SVEP1: variants seen among roughly 807,000 people sequenced by gnomAD.
The protein encoded by SVEP1 is sushi, von Willebrand factor type A, EGF and pentraxin domain containing 1, also known as sushi, von Willebrand factor type A, EGF and pentraxin domain-containing protein 1.
Under a neutral mutation model 367.3 loss-of-function variants are expected in SVEP1, and 164 were observed. That is an observed-to-expected ratio of 0.45 (90% CI 0.39 to 0.51). SVEP1 has a LOEUF of 0.51. Among genes scored for constraint, SVEP1 ranks in the 20% least tolerant of loss-of-function variants. The pLI, the probability that SVEP1 is intolerant of heterozygous loss-of-function variation, is 0.00. For synonymous variants in SVEP1, 1,666 were observed against 1,611.6 expected, an observed-to-expected ratio of 1.03 and a Z score of -0.81; for missense variants, 4,117 against 4,425.3, an observed-to-expected ratio of 0.93 and a Z score of 1.98.
At chr9:110,375,597 T>G in intron 45 of SVEP1, 134 bp from the exon 46 acceptor site, 1 of 705,480 alleles carries the variant, frequency 1.4e-6, no homozygotes, top group Non-Finnish European at 2.3e-6. Context: ...ACTCACTAAA[T>G]AAGTTTCCTG....
rs755067106 is a variant in SVEP1, at chr9:110,407,246, G to T, written c.8354C>A (p.Ser2785Tyr). ...GTATGTGTAGTTGCTTCCTTTGATGGATCCATTCATGACTGGATTTGGCTT... is the reference window on the plus strand; with the variant it reads ...GTATGTGTAGTTGCTTCCTTTGATGTATCCATTCATGACTGGATTTGGCTT... ...CKKPNPVMNG[S>Y]IKGSNYTYLS... Residue 2785 changes from serine (S) to tyrosine (Y), a missense_variant, in exon 38 of 48, where the codon TCC (serine) becomes TAC (tyrosine). Physicochemically the swap from Ser to Tyr is moderately radical, Grantham distance 144. Coordinates refer to ENST00000374469, the MANE Select transcript of SVEP1 (RefSeq NM_153366.4). 2 of 1,613,814 alleles carry T rather than the reference G, an allele frequency of 1.2e-6. No individual in the cohort carries two copies. The highest frequency in any genetic ancestry group is 1.7e-6 in the Non-Finnish European group (2 of 1,179,892).
intron 40 of SVEP1, among the ~76,000 whole-genome samples, chr9:110,396,442 G>C (rs949818605): frequency 1.3e-5 from 2 of 152,070 alleles, no homozygotes; most frequent in African/African-American, 4.8e-5. Context: ...AAAAGAACTA[G>C]AGAAGCAAGA....
At chr9:110,384,105 T>C (rs566949806) in intron 43 of SVEP1, among the ~76,000 whole-genome samples, 1 of 152,106 alleles carries the variant, frequency 6.6e-6, no homozygotes, top group Non-Finnish European at 1.5e-5. Flanking sequence ...AGTTTTCAGC[T>C]GAGTGGCCGC....
chr9:110,557,883 A>G (rs560981253), intron 1 of SVEP1, among the ~76,000 whole-genome samples: 2 of 152,338 alleles, frequency 1.3e-5, no homozygotes, highest in South Asian at 2.1e-4. Flanking sequence ...CCAATCCCCA[A>G]TAGAACTTTC....
intron 43 of SVEP1, among the ~76,000 whole-genome samples, chr9:110,383,406 C>T (rs907087027): frequency 8.5e-5 from 13 of 152,192 alleles, no homozygotes; most frequent in African/African-American, 1.9e-4. Flanking sequence ...GTGTTACCAG[C>T]GGACGCTGCA....
intron 3 of SVEP1, among the ~76,000 whole-genome samples, chr9:110,540,314 AT>A (rs750345342): frequency 2.7e-4 from 41 of 152,114 alleles, no homozygotes; most frequent in Non-Finnish European, 4.6e-4. Flanking sequence ...CTGAAATTTA[AT>A]AACTAAACCC....
intron 27 of SVEP1, among the ~76,000 whole-genome samples, chr9:110,442,037 C>T (rs866229593): frequency 2.0e-5 from 3 of 152,194 alleles, no homozygotes; most frequent in South Asian, 2.1e-4. Flanking sequence ...CTTTTTCTAG[C>T]GCTTTCAACA....
intron 40 of SVEP1, among the ~76,000 whole-genome samples, chr9:110,392,628 T>C (rs926167522): frequency 6.6e-6 from 1 of 152,184 alleles, no homozygotes; most frequent in Admixed American, 6.5e-5. Flanking sequence ...TCATCTACTG[T>C]TTGGTTATCT....
Position 110,366,533 on chromosome 9 carries a change from C to G in SVEP1, c.*6G>C, listed in dbSNP as rs1827202303. ...CTTTTGGGAGAGCCAGATGGTCGTG[C>G]AGTGGTTAAAACCCAGTCCTCCTTT... On this transcript the variant is annotated 3_prime_UTR_variant, in exon 48 of 48. Coordinates refer to ENST00000374469, the MANE Select transcript of SVEP1 (RefSeq NM_153366.4). 1 of 1,553,346 alleles carries G rather than the reference C, an allele frequency of 6.4e-7. No individual in the cohort carries two copies. The highest frequency in any genetic ancestry group is 8.7e-7 in the Non-Finnish European group (1 of 1,152,228).
Position 110,377,355 on chromosome 9 carries a change from A to G in SVEP1, c.10420T>C (p.Phe3474Leu). ...SPPICRAVCR[F>L]PCQNGGICQR... is the part of the protein sequence containing the mutation. ...CAGATGCCCCCATTCTGACATGGAA[A>G]TCGACAGACAGCTGGAAAAGAAGCA... is the stretch of plus-strand genomic sequence containing the variant. Residue 3474 changes from phenylalanine to leucine, a missense_variant, in exon 45 of 48, where the codon TTT (phenylalanine) becomes CTT (leucine). Phe to Leu is a conservative substitution (Grantham distance 22). This residue lies in a region of SVEP1 where 1,765 missense variants were observed against 1,781.1 expected (regional missense o/e 0.99). Coordinates refer to ENST00000374469, the MANE Select transcript of SVEP1 (RefSeq NM_153366.4). 6.2e-7 allele frequency: 1 copy of G among 1,613,770 alleles called. No individual in the cohort carries two copies. The highest frequency in any genetic ancestry group is 8.5e-7 in the Non-Finnish European group (1 of 1,179,704).
chr9:110,449,127 G>C (rs1192575468), intron 24 of SVEP1, among the ~76,000 whole-genome samples: 1 of 152,144 alleles, frequency 6.6e-6, no homozygotes, highest in Non-Finnish European at 1.5e-5. Context: ...GTACTTCCCT[G>C]CAAAGAGTGG....
chr9:110,447,151 T>C, intron 24 of SVEP1, 94 bp from the exon 25 acceptor site: 2 of 1,175,402 alleles, frequency 1.7e-6, no homozygotes, highest in African/African-American at 3.2e-5. Flanking sequence ...AAAATTGAAA[T>C]GCTGGAACAC....
In SVEP1 at chr9:110,511,488, C is replaced by CTTTTTTTTTTTTTTT. The variant is rs199993986; in HGVS notation, c.1303+1423_1303+1437dup. On this transcript the variant is annotated intron_variant, in intron 5 of 47. Transcript: ENST00000374469. ...CTAGGTCCATTCATTGTGTCAGTACCTTTTTTTTTTTTTTTTTTTTTTTTT... is the reference window on the plus strand; with the variant it reads ...CTAGGTCCATTCATTGTGTCAGTACCTTTTTTTTTTTTTTTTTTTTTTTTTTTTTTTTTTTTTTTT... 7.7e-5 allele frequency among the ~76,000 whole-genome samples: 6 copies of CTTTTTTTTTTTTTTT among 77,572 alleles called. 1 individual carries two copies. The highest frequency in any genetic ancestry group is 1.1e-4 in the Non-Finnish European group (4 of 36,266). 50.9% of individuals were successfully genotyped at this position (77,572 alleles called of 152,430 possible). A position where few individuals can be genotyped will look rare whatever the true frequency, so the allele number is the denominator to read the frequency against.
intron 3 of SVEP1, among the ~76,000 whole-genome samples, chr9:110,528,769 G>T (rs1488747377): frequency 2.0e-5 from 3 of 150,834 alleles, no homozygotes; most frequent in South Asian, 2.1e-4. Context: ...GTTTACTGTT[G>T]ATTATTATTA....
intron 6 of SVEP1, among the ~76,000 whole-genome samples, chr9:110,501,853 A>G (rs1225386075): frequency 1.3e-5 from 2 of 152,172 alleles, no homozygotes; most frequent in Admixed American, 1.3e-4. Flanking sequence ...TAGATTACTT[A>G]ATTTTAACTC....
At chr9:110,428,578 A>C (rs1263743639) in intron 35 of SVEP1, among the ~76,000 whole-genome samples, 1 of 152,190 alleles carries the variant, frequency 6.6e-6, no homozygotes, top group South Asian at 2.1e-4. Context: ...TATGCTTCAT[A>C]AACTATTTTT....
intron 1 of SVEP1, among the ~76,000 whole-genome samples, chr9:110,567,458 A>C (rs1830505465): frequency 2.0e-5 from 3 of 152,218 alleles, no homozygotes; most frequent in South Asian, 4.1e-4. Context: ...TCCATGAAAG[A>C]ATAGGAGAAA....
intron 13 of SVEP1, among the ~76,000 whole-genome samples, chr9:110,479,121 T>C (rs1829145830): frequency 6.6e-6 from 1 of 152,088 alleles, no homozygotes; most frequent in African/African-American, 2.4e-5. Context: ...GGTTTCACCA[T>C]GTTGGCCAGG....
In SVEP1 at chr9:110,546,414, C is replaced by T. The variant is rs149599428; in HGVS notation, c.788-123G>A. 2.1e-3 allele frequency: 2,262 copies of T among 1,092,406 alleles called. 4 individuals carry two copies. Among genetic ancestry groups the T allele is most frequent in the Non-Finnish European group, 2.7e-3 (2,109 of 774,862 alleles). 67.7% of individuals were successfully genotyped at this position (1,092,406 alleles called of 1,614,324 possible). On this transcript the variant is annotated intron_variant, in intron 2 of 47. Coordinates refer to ENST00000374469, the MANE Select transcript of SVEP1 (RefSeq NM_153366.4). The stretch of plus-strand genomic sequence containing the variant: ...CTTTCCATATCCCTCTAATTCCCAA[C>T]TGCTTCCTGCTCCCACCCAAATACG...
Sources: allele counts gnomAD v4.1 joint callset (sites outside exome capture counted in the v4.1 genomes callset), GRCh38; gene constraint gnomAD v4.1.1; regional missense constraint gnomAD v4.1.1; transcripts MANE v1.5; gene names NCBI Gene and HGNC (gene_info 2026-07-23, HGNC 2026-07-21).